CPD: variants seen among roughly 807,000 people sequenced by gnomAD.
CPD encodes metallocarboxypeptidase D.
CPD carries 69 observed loss-of-function variants against 138.3 expected under a neutral mutation model. The ratio of observed to expected loss-of-function variants is 0.50; its 90% CI spans 0.41 to 0.61. The LOEUF (loss-of-function observed/expected upper bound fraction) is 0.61, where lower values mean the gene tolerates loss of function less well. CPD is among the 20% of genes least tolerant of loss of function. The probability of loss-of-function intolerance (pLI) is 0.00; values close to 1 mark genes in which losing one functional copy is unlikely to be tolerated. For missense variants in CPD, 1,432 were observed against 1,733.3 expected, an observed-to-expected ratio of 0.83 and a Z score of 3.09; for synonymous variants, 651 against 642.1, an observed-to-expected ratio of 1.01 and a Z score of -0.21.
intron 2 of CPD, among the ~76,000 whole-genome samples, chr17:30,394,116 CTTTTTTTTTTTTTTTTT>C (rs35779169): frequency 4.9e-5 from 2 of 40,858 alleles, no homozygotes. Flanking sequence ...GCACTCCAGC[CTTTTTTTTTTTTTTTTT>C]TTTTTTTTTT....
intron 2 of CPD, among the ~76,000 whole-genome samples, chr17:30,394,585 T>C (rs1366710140): frequency 6.6e-6 from 1 of 152,166 alleles, no homozygotes; most frequent in Non-Finnish European, 1.5e-5. Context: ...CAAAATGTAT[T>C]GGCAGGAAAG....
In CPD at chr17:30,389,146, G is replaced by A. The variant is rs370109845; in HGVS notation, c.994+3910G>A. Among the ~76,000 whole-genome samples, 18 of 152,248 alleles carry A rather than the reference G, an allele frequency of 1.2e-4. No homozygotes were observed. The South Asian group carries it at 3.5e-3, about 30-fold the overall frequency. ...CCATTACGGCAGCCCCCAGGGCAGC[G>A]GGCTCTGGGGGGTGGCAGCGGGCTG... On this transcript the variant is annotated intron_variant, in intron 2 of 20. Coordinates refer to ENST00000225719, the MANE Select transcript of CPD (RefSeq NM_001304.5).
chr17:30,400,907 G>C (rs1165346049), intron 2 of CPD, among the ~76,000 whole-genome samples: 1 of 147,804 alleles, frequency 6.8e-6, no homozygotes, highest in Non-Finnish European at 1.5e-5. Context: ...TTGATCTCCT[G>C]ACCTCGTGAT....
Position 30,445,892 on chromosome 17 carries a change from G to A in CPD, c.2745G>A (p.Leu915=). Residue 915 remains leucine, a synonymous_variant, in exon 12 of 21, where the codon TTG becomes TTA. Coordinates refer to ENST00000225719, the MANE Select transcript of CPD (RefSeq NM_001304.5). ...AAGACCTTTCAGCGGAGAATGGTTT[G>A]GAAAGCCTCATGTTACGCTCCTCCT... The part of the protein sequence containing the change: ...LIKDLSAENG[L]ESLMLRSSSN... The A allele has an allele frequency of 6.2e-7, 1 of 1,614,110 alleles. No homozygotes were observed. The highest frequency in any genetic ancestry group is 1.1e-5 in the South Asian group (1 of 91,088).
chr17:30,431,351 T>C (rs1425846596), intron 7 of CPD, among the ~76,000 whole-genome samples: 1 of 152,218 alleles, frequency 6.6e-6, no homozygotes, highest in East Asian at 1.9e-4. Context: ...TTTTAAATAC[T>C]GGACACTGGA....
At chr17:30,443,654 C>A in intron 10 of CPD, 148 bp from the exon 11 acceptor site, 1 of 670,932 alleles carries the variant, frequency 1.5e-6, no homozygotes, top group South Asian at 2.9e-5. Context: ...TTTTAATGAA[C>A]ATTTACATTG....
Position 30,468,781 on chromosome 17 carries a change from A to T in CPD, c.*3967A>T, listed in dbSNP as rs1317536760. ...TGAAAATTATTTAGTTTTTCTGCCT[A>T]TGCTAGTGGAAAAATAGTACCAGGA... is the stretch of plus-strand genomic sequence containing the variant. On this transcript the variant is annotated 3_prime_UTR_variant, in exon 21 of 21. Transcript: ENST00000225719. 2 of 152,264 alleles carry T rather than the reference A, an allele frequency of 1.3e-5. No individual in the cohort carries two copies. Among genetic ancestry groups the T allele is most frequent in the African/African-American group, 4.8e-5 (2 of 41,458 alleles). The allele number at this position is 152,264 out of a possible 1,614,324, so 9.4% of individuals were successfully genotyped here. A position where few individuals can be genotyped will look rare whatever the true frequency, so the allele number is the denominator to read the frequency against.
At chr17:30,383,617 C>A (rs1370278062) in intron 1 of CPD, among the ~76,000 whole-genome samples, 2 of 152,134 alleles carry the variant, frequency 1.3e-5, no homozygotes, top group African/African-American at 4.8e-5. Flanking sequence ...TGGCAAAGAT[C>A]TGTCTTCTGA....
intron 2 of CPD, among the ~76,000 whole-genome samples, chr17:30,407,058 T>C (rs973544248): frequency 1.3e-5 from 2 of 152,180 alleles, no homozygotes; most frequent in African/African-American, 4.8e-5. Context: ...AGTGAGAACA[T>C]ACGGTGTTTG....
rs772586501 is a variant in CPD at position 30,464,678 on chromosome 17, G to A, written c.4007G>A (p.Arg1336Gln). Residue 1336 changes from arginine (R) to glutamine (Q), a missense_variant, in exon 21 of 21, where the codon CGG becomes CAG. Coordinates refer to ENST00000225719, the MANE Select transcript of CPD (RefSeq NM_001304.5). The part of the protein sequence containing the change: ...KSNRHKDGFH[R>Q]LRQHHDEYED... Reference sequence around the variant, plus strand: ...AATAGACACAAGGATGGCTTTCATCGGCTCAGGCAGCATCATGATGAGTAT... The same window carrying A: ...AATAGACACAAGGATGGCTTTCATCAGCTCAGGCAGCATCATGATGAGTAT... 15 of 1,613,854 alleles carry A rather than the reference G, an allele frequency of 9.3e-6. No homozygotes were observed. Among genetic ancestry groups the A allele is most frequent in the East Asian group, 4.5e-5 (2 of 44,880 alleles).
intron 1 of CPD, chr17:30,380,737 G>A (rs1380834414): frequency 3.5e-6 from 3 of 865,276 alleles, no homozygotes; most frequent in Non-Finnish European, 5.2e-6. Context: ...TGTGGAAGAG[G>A]TAGAGCTTGA....
rs368010313 is a variant in CPD, at chr17:30,453,004, C to T, written c.3205+1158C>T. On this transcript the variant is annotated intron_variant, in intron 14 of 20. Coordinates refer to ENST00000225719, the MANE Select transcript of CPD (RefSeq NM_001304.5). ...AGACCCGCCCCCATGATTCAGTTACCTCCCACCGGCTCCCTCCCACAACAA... is the reference window on the plus strand; with the variant it reads ...AGACCCGCCCCCATGATTCAGTTACTTCCCACCGGCTCCCTCCCACAACAA... 4.9e-4 allele frequency among the ~76,000 whole-genome samples: 75 copies of T among 152,166 alleles called. 1 individual carries two copies. The highest frequency in any genetic ancestry group is 1.6e-3 in the African/African-American group (66 of 41,520).
Position 30,379,199 on chromosome 17 carries a change from C to G in CPD, c.219C>G (p.Ala73=). Reference sequence around the variant, plus strand: ...AGTCGGCGCTGAGGGAGGCGGCGGCCGCGGGCCTCCCCGGCCTGGCCCGCC... The same window carrying G: ...AGTCGGCGCTGAGGGAGGCGGCGGCGGCGGGCCTCCCCGGCCTGGCCCGCC... ...ELESALREAA[A]AGLPGLARLF... is the part of the protein sequence containing the mutation. The change falls in exon 1 of 21, where the codon GCC becomes GCG. Residue 73 remains alanine, a synonymous_variant. Transcript: ENST00000225719. This position sits in a 1 kb window ranked among gnomAD's most constrained non-coding sequence, Gnocchi z 7.0. 6.5e-7 allele frequency: 1 copy of G among 1,529,792 alleles called. No homozygotes were observed. The highest frequency in any genetic ancestry group is 8.7e-7 in the Non-Finnish European group (1 of 1,142,996). The allele number at this position is 1,529,792 out of a possible 1,614,324, so 94.8% of individuals were successfully genotyped here. A position where few individuals can be genotyped will look rare whatever the true frequency, so the allele number is the denominator to read the frequency against.
intron 1 of CPD, among the ~76,000 whole-genome samples, chr17:30,382,038 C>T (rs1303204793): frequency 6.6e-6 from 1 of 152,096 alleles, no homozygotes; most frequent in Non-Finnish European, 1.5e-5. Context: ...TAGTTGACCG[C>T]TATGCTTCTT....
chr17:30,389,040 G>A (rs1567865391), intron 2 of CPD, among the ~76,000 whole-genome samples: 1 of 152,160 alleles, frequency 6.6e-6, no homozygotes, highest in Non-Finnish European at 1.5e-5. Flanking sequence ...CCCCGCCCCC[G>A]AAGCACAGCC....
In CPD at chr17:30,439,150, T is replaced by C. The variant is rs946232658; in HGVS notation, c.2230+73T>C. 4 of 784,162 alleles carry C rather than the reference T, an allele frequency of 5.1e-6. No homozygotes were observed. In the East Asian group the frequency reaches 1.1e-4, roughly 22 times the overall value. The allele number at this position is 784,162 out of a possible 1,614,324, so 48.6% of individuals were successfully genotyped here. On this transcript the variant is annotated intron_variant, in intron 9 of 20. Coordinates refer to ENST00000225719, the MANE Select transcript of CPD (RefSeq NM_001304.5). ...CTTTCCTAGATGGTGCTTCTTGTTA[T>C]TATCTTTTAGTTTTGAGGAATAATA...
intron 4 of CPD, 147 bp from the exon 5 acceptor site, chr17:30,422,527 C>G (rs1431233583): frequency 1.7e-6 from 1 of 572,340 alleles, no homozygotes; most frequent in African/African-American, 1.9e-5. Context: ...TCCTAAAACT[C>G]TTAAATTTAC....
chr17:30,416,032 C>G (rs538898683), intron 2 of CPD, among the ~76,000 whole-genome samples: 1 of 151,944 alleles, frequency 6.6e-6, no homozygotes, highest in Non-Finnish European at 1.5e-5. Flanking sequence ...TCATTTTTTG[C>G]GAGATGAAAA....
At position 30,452,421 on chromosome 17, in the gene CPD, G is replaced by A. The variant is rs532689950; in HGVS notation, c.3205+575G>A. ...TGAATAGCTGGGATTACAGGGACCCGCCACCATGCCTGGCCAATTTTTGTA... is the reference window on the plus strand; with the variant it reads ...TGAATAGCTGGGATTACAGGGACCCACCACCATGCCTGGCCAATTTTTGTA... On this transcript the variant is annotated intron_variant, in intron 14 of 20. Transcript: ENST00000225719. Among the ~76,000 whole-genome samples the A allele has an allele frequency of 2.7e-3, 412 of 151,232 alleles. 1 individual carries two copies. The highest frequency in any genetic ancestry group is 8.9e-3 in the African/African-American group (365 of 41,160).
Sources: gnomAD v4.1 joint callset for allele counts (sites outside exome capture counted in the v4.1 genomes callset) on GRCh38, gnomAD v4.1.1 for gene constraint, Gnocchi (gnomAD v3.1) non-coding constraint, MANE v1.5 for transcripts, NCBI Gene and HGNC (gene_info 2026-07-23, HGNC 2026-07-21) for gene names.